The following DNAAF9 variants were observed in gnomAD, a reference collection of about 807,000 sequenced individuals.
The protein encoded by DNAAF9 is shulin.
In DNAAF9, 90 loss-of-function variants were observed where a neutral mutation model predicts 167.0. The observed-to-expected ratio is 0.54, with a 90% CI of 0.45 to 0.64. The LOEUF is 0.64. Ranked by LOEUF, DNAAF9 falls within the 30% of genes least tolerant of loss-of-function variation. The pLI, the probability that DNAAF9 is intolerant of heterozygous loss-of-function variation, is 0.00. For synonymous variants in DNAAF9, 491 were observed against 508.8 expected (o/e 0.96, Z 0.47); for missense variants, 1,315 against 1,442.2 (o/e 0.91, Z 1.43).
Position 3,250,506 on chromosome 20 carries a change from TCA to T in DNAAF9, c.*2064_*2065del, listed in dbSNP as rs1193664089. 1 of 152,256 alleles carries T rather than the reference TCA, an allele frequency of 6.6e-6. No homozygotes were observed. The highest frequency in any genetic ancestry group is 2.4e-5 in the African/African-American group (1 of 41,464). 9.4% of individuals were successfully genotyped at this position (152,256 alleles called of 1,614,324 possible). On this transcript the variant is annotated 3_prime_UTR_variant, in exon 37 of 37. Transcript: ENST00000252032. ...TTCTTCACGTTTTGACTTTTTTCAATCACAGTTTCATATTCAAGTTGAGGTAA... is the reference window on the plus strand; with the variant it reads ...TTCTTCACGTTTTGACTTTTTTCAATCAGTTTCATATTCAAGTTGAGGTAA...
intron 10 of DNAAF9, among the ~76,000 whole-genome samples, chr20:3,335,101 T>C (rs1293648387): frequency 6.6e-6 from 1 of 152,236 alleles, no homozygotes; most frequent in Non-Finnish European, 1.5e-5. Flanking sequence ...GGTGGTTTTT[T>C]ATTTTTATTT....
In DNAAF9 at chr20:3,402,790, C is replaced by T. The variant is rs143673582; in HGVS notation, c.83+4685G>A. Among the ~76,000 whole-genome samples the T allele has an allele frequency of 4.3e-4, 66 of 152,124 alleles. 1 individual carries two copies. The East Asian group carries it at 0.012, about 28-fold the overall frequency. ...GTAAAGATGGGGTCTCGACATGTTA[C>T]CCAGACTGGTCTCAAACTCCTGGGC... On this transcript the variant is annotated intron_variant, in intron 1 of 36. Coordinates refer to ENST00000252032, the MANE Select transcript of DNAAF9 (RefSeq NM_001009984.3).
At position 3,376,220 on chromosome 20, in the gene DNAAF9, T is replaced by C. The variant is rs779868132; in HGVS notation, c.366A>G (p.Ala122=). ...VNFRYLLPYV[A]HWRNLHFHCM... is the part of the protein sequence containing the mutation. ...AGTGGAAATGCAGATTTCTCCAATG[T>C]GCCACATAAGGTAAGAGATAGCGAA... Residue 122 remains alanine, a synonymous_variant, in exon 4 of 37, where the codon GCA becomes GCG. Coordinates refer to ENST00000252032, the MANE Select transcript of DNAAF9 (RefSeq NM_001009984.3). 2 of 1,613,900 alleles carry C rather than the reference T, an allele frequency of 1.2e-6. No homozygotes were observed. Among genetic ancestry groups the C allele is most frequent in the Non-Finnish European group, 1.7e-6 (2 of 1,179,858 alleles).
In DNAAF9 at chr20:3,281,804, T is replaced by C. The variant is rs776466222; in HGVS notation, c.2487-38A>G. On this transcript the variant is annotated intron_variant, in intron 27 of 36. Coordinates refer to ENST00000252032, the MANE Select transcript of DNAAF9 (RefSeq NM_001009984.3). ...AAAAAGGAATGATTAGTTCACTGACTGGCATTGCAAAGTGGAGGAAGAGGG... is the reference window on the plus strand; with the variant it reads ...AAAAAGGAATGATTAGTTCACTGACCGGCATTGCAAAGTGGAGGAAGAGGG... The C allele has an allele frequency of 3.8e-6, 6 of 1,589,864 alleles. No homozygotes were observed. The Admixed American group carries it at 7.2e-5, about 19-fold the overall frequency.
At chr20:3,320,960 C>A (rs2069604703) in intron 16 of DNAAF9, among the ~76,000 whole-genome samples, 1 of 152,150 alleles carries the variant, frequency 6.6e-6, no homozygotes, top group Non-Finnish European at 1.5e-5. Flanking sequence ...TCTCATGTAC[C>A]ATTTGCCAAT....
intron 8 of DNAAF9, among the ~76,000 whole-genome samples, chr20:3,346,414 C>T (rs906143731): frequency 3.3e-5 from 5 of 151,936 alleles, no homozygotes; most frequent in South Asian, 2.1e-4. Context: ...ATTATGTGCA[C>T]ATACAAGAGG....
rs117214528 is a variant in DNAAF9 at position 3,396,922 on chromosome 20, C to T, written c.83+10553G>A. Among the ~76,000 whole-genome samples, 822 of 152,224 alleles carry T rather than the reference C, an allele frequency of 5.4e-3. 2 individuals carry two copies. Among genetic ancestry groups the T allele is most frequent in the Non-Finnish European group, 6.6e-3 (452 of 68,004 alleles). ...GCTGTGTTGAAAACAGACTGAAGGG[C>T]GATAAAAGTTGAACCTGAGAGACCG... On this transcript the variant is annotated intron_variant, in intron 1 of 36. Coordinates refer to ENST00000252032, the MANE Select transcript of DNAAF9 (RefSeq NM_001009984.3).
chr20:3,264,857 C>G (rs1446611335), intron 30 of DNAAF9, among the ~76,000 whole-genome samples: 1 of 152,192 alleles, frequency 6.6e-6, no homozygotes, highest in Non-Finnish European at 1.5e-5. Flanking sequence ...CATGAGCCAC[C>G]GAGCCCGGCC....
At chr20:3,338,642 T>G (rs1000516767) in intron 10 of DNAAF9, among the ~76,000 whole-genome samples, 2 of 144,472 alleles carry the variant, frequency 1.4e-5, no homozygotes, top group African/African-American at 2.6e-5. Context: ...CCAGGGTTCT[T>G]GGATGATTTT....
At position 3,394,257 on chromosome 20, in the gene DNAAF9, G is replaced by A. The variant is rs190599061; in HGVS notation, c.84-11751C>T. ...GGAGGCTGAGGCAGGAGAATCACTTGAACCCAGGAGGCGGAGGTTGCGGTG... is the reference window on the plus strand; with the variant it reads ...GGAGGCTGAGGCAGGAGAATCACTTAAACCCAGGAGGCGGAGGTTGCGGTG... On this transcript the variant is annotated intron_variant, in intron 1 of 36. Coordinates refer to ENST00000252032, the MANE Select transcript of DNAAF9 (RefSeq NM_001009984.3). Among the ~76,000 whole-genome samples, 297 of 151,280 alleles carry A rather than the reference G, an allele frequency of 2.0e-3. 2 individuals carry two copies. Among genetic ancestry groups the A allele is most frequent in the African/African-American group, 7.0e-3 (289 of 41,100 alleles).
rs371228582 is a variant in DNAAF9 at position 3,400,831 on chromosome 20, C to T, written c.83+6644G>A. On this transcript the variant is annotated intron_variant, in intron 1 of 36. Coordinates refer to ENST00000252032, the MANE Select transcript of DNAAF9 (RefSeq NM_001009984.3). ...ATAAGAGTCCTCAGTATACTGTCATCCCAGATACAAGTGAAAAGGAAGTTA... is the reference window on the plus strand; with the variant it reads ...ATAAGAGTCCTCAGTATACTGTCATTCCAGATACAAGTGAAAAGGAAGTTA... 1.1e-3 allele frequency among the ~76,000 whole-genome samples: 164 copies of T among 152,292 alleles called. 2 individuals carry two copies. The South Asian group carries it at 0.021, about 19-fold the overall frequency.
At chr20:3,346,788 T>C (rs997484974) in intron 8 of DNAAF9, among the ~76,000 whole-genome samples, 1 of 152,156 alleles carries the variant, frequency 6.6e-6, no homozygotes, top group African/African-American at 2.4e-5. Flanking sequence ...GAGTATACCT[T>C]GTGGAATCTC....
intron 7 of DNAAF9, among the ~76,000 whole-genome samples, chr20:3,357,151 T>C (rs766070930): frequency 1.6e-4 from 24 of 152,194 alleles, no homozygotes; most frequent in Non-Finnish European, 3.1e-4. Context: ...TTTCAAATAC[T>C]CTGATATGTA....
At chr20:3,343,271 T>A (rs942633898) in intron 9 of DNAAF9, among the ~76,000 whole-genome samples, 2 of 152,138 alleles carry the variant, frequency 1.3e-5, no homozygotes, top group Non-Finnish European at 2.9e-5. Context: ...CAAGTGATTC[T>A]CCTGTCTCAG....
chr20:3,391,795 T>C (rs2083831413), intron 1 of DNAAF9, among the ~76,000 whole-genome samples: 1 of 151,992 alleles, frequency 6.6e-6, no homozygotes, highest in Non-Finnish European at 1.5e-5. Context: ...GCCAGGCTGG[T>C]CTCAAACTCC....
chr20:3,398,241 C>A (rs140465733), intron 1 of DNAAF9, among the ~76,000 whole-genome samples: 3 of 152,282 alleles, frequency 2.0e-5, no homozygotes, highest in Admixed American at 2.0e-4. Flanking sequence ...GAGAAGCAGA[C>A]GAGAGACAGC....
In DNAAF9 at chr20:3,287,655, G is replaced by C. The variant is rs1218226641; in HGVS notation, c.2463C>G (p.Thr821=). ...ARQSAYIRKK[T]RLLVVLQGYT... ...ACCCTTGTAACACCACCAGCAGTCT[G>C]GTCTTCTTGCGGATGTAGGCTGACT... Residue 821 remains threonine, a synonymous_variant, in exon 27 of 37, where the codon ACC becomes ACG. Transcript: ENST00000252032. The C allele has an allele frequency of 3.1e-6, 5 of 1,614,224 alleles. No individual in the cohort carries two copies. The South Asian group carries it at 5.5e-5, about 18-fold the overall frequency.
intron 6 of DNAAF9, chr20:3,361,839 T>G: frequency 7.0e-7 from 1 of 1,430,120 alleles, no homozygotes; most frequent in Non-Finnish European, 9.7e-7. Context: ...TTAAATCGAA[T>G]GTTGGGGGGA....
chr20:3,400,654 A>T (rs1186609798), intron 1 of DNAAF9, among the ~76,000 whole-genome samples: 2 of 152,176 alleles, frequency 1.3e-5, no homozygotes, highest in African/African-American at 4.8e-5. Flanking sequence ...TAAAAATTTT[A>T]GGGCAAAAAC....
Sources: gnomAD v4.1 joint callset for allele counts (sites outside exome capture counted in the v4.1 genomes callset) on GRCh38, gnomAD v4.1.1 for gene constraint, MANE v1.5 for transcripts, NCBI Gene and HGNC (gene_info 2026-07-23, HGNC 2026-07-21) for gene names.